The following KHDRBS3 variants were observed in gnomAD, a reference collection of about 807,000 sequenced individuals.
KHDRBS3 encodes the protein KH RNA binding domain containing, signal transduction associated 3.
Under a neutral mutation model 45.6 loss-of-function variants are expected in KHDRBS3, and 23 were observed. The observed-to-expected ratio is 0.50, with a 90% confidence interval of 0.36 to 0.72. The LOEUF (loss-of-function observed/expected upper bound fraction) is 0.72, where lower values mean the gene tolerates loss of function less well. KHDRBS3 is among the 30% of genes least tolerant of loss of function. The pLI is 0.00. For synonymous variants in KHDRBS3, 162 were observed against 156.5 expected (o/e 1.04, Z -0.26); for missense variants, 352 against 424.8 (o/e 0.83, Z 1.51).
chr8:135,625,534 C>T lies in KHDRBS3; in HGVS notation c.890+18497C>T. ...CTGCACTGCTAGAACTGAGAGGTTT[C>T]TTGGGTGTATTCAGAGCTGGAGCAA... On this transcript the variant is annotated intron_variant, in intron 7 of 8. Transcript: ENST00000355849. 9.3e-6 allele frequency: 8 copies of T among 864,444 alleles called. No individual in the cohort carries two copies. In the South Asian group the frequency reaches 1.1e-4, roughly 12 times the overall value. 53.5% of individuals were successfully genotyped at this position (864,444 alleles called of 1,614,324 possible). A position where few individuals can be genotyped will look rare whatever the true frequency, so the allele number is the denominator to read the frequency against.
At chr8:135,626,037 C>T (rs1830344829) in intron 7 of KHDRBS3, 5 of 596,862 alleles carry the variant, frequency 8.4e-6, no homozygotes, top group Non-Finnish European at 1.5e-5. Context: ...GGTTCCAGTT[C>T]CTTACTTTTT....
At position 135,639,395 on chromosome 8, in the gene KHDRBS3, C is replaced by T. The variant is rs147707486; in HGVS notation, c.891-5664C>T. Among the ~76,000 whole-genome samples the T allele has an allele frequency of 7.2e-5, 11 of 152,198 alleles. No homozygotes were observed. The East Asian group carries it at 1.9e-3, about 27-fold the overall frequency. On this transcript the variant is annotated intron_variant, in intron 7 of 8. Coordinates refer to ENST00000355849, the MANE Select transcript of KHDRBS3 (RefSeq NM_006558.3). Reference sequence around the variant, plus strand: ...AGGAGCCAGAAAGTTGAGAGGCCTGCGTATTTGAAGGATCATCCTCCCATA... The same window carrying T: ...AGGAGCCAGAAAGTTGAGAGGCCTGTGTATTTGAAGGATCATCCTCCCATA...
chr8:135,627,255 T>C (rs1830413814), intron 7 of KHDRBS3, among the ~76,000 whole-genome samples: 1 of 152,216 alleles, frequency 6.6e-6, no homozygotes, highest in African/African-American at 2.4e-5. Context: ...TCACCCTGGC[T>C]TCTATCCCAA....
chr8:135,653,119 G>C (rs1029925618), intron 4 of KHDRBS3, among the ~76,000 whole-genome samples: 1 of 152,186 alleles, frequency 6.6e-6, no homozygotes, highest in African/African-American at 2.4e-5. Context: ...TCAAAACAAG[G>C]AGATAGAATA....
At chr8:135,616,881 TC>T (rs1829939630) in intron 7 of KHDRBS3, among the ~76,000 whole-genome samples, 2 of 152,172 alleles carry the variant, frequency 1.3e-5, no homozygotes, top group Non-Finnish European at 2.9e-5. Flanking sequence ...AATAATTTTT[TC>T]TACAAATCTT....
At chr8:135,489,230 G>A (rs1823018865) in intron 1 of KHDRBS3, among the ~76,000 whole-genome samples, 2 of 152,128 alleles carry the variant, frequency 1.3e-5, no homozygotes, top group African/African-American at 4.8e-5. Flanking sequence ...ACCCCAAGAG[G>A]ACAGTGCCTG....
In KHDRBS3 at chr8:135,548,820, A is replaced by T. The variant is rs1201826792; in HGVS notation, c.391A>T (p.Ile131Phe). Reference protein sequence around the residue: ...FHLNDDLHVLIEVFAPPAEAY... With the variant: ...FHLNDDLHVLFEVFAPPAEAY... ...TCTCAATGATGATCTCCATGTTCTC[A>T]TTGAAGTGTTTGCCCCACCTGCAGA... Residue 131 changes from isoleucine (I) to phenylalanine (F), a missense_variant, in exon 4 of 9, where the codon ATT becomes TTT. Around this residue, in one of 6 missense-constraint regions of KHDRBS3, gnomAD observed 46 missense variants for 45.9 expected, o/e 1.00. Coordinates refer to ENST00000355849, the MANE Select transcript of KHDRBS3 (RefSeq NM_006558.3). 6.2e-7 allele frequency: 1 copy of T among 1,605,282 alleles called. No individual in the cohort carries two copies. Among genetic ancestry groups the T allele is most frequent in the Non-Finnish European group, 8.5e-7 (1 of 1,175,448 alleles).
intron 1 of KHDRBS3, among the ~76,000 whole-genome samples, chr8:135,519,519 T>A (rs747869336): frequency 6.6e-6 from 1 of 152,210 alleles, no homozygotes; most frequent in African/African-American, 2.4e-5. Context: ...TGCTTACTGT[T>A]AGTGACCAAA....
chr8:135,535,356 A>G (rs1444378554), intron 2 of KHDRBS3, among the ~76,000 whole-genome samples: 2 of 72,020 alleles, frequency 2.8e-5, no homozygotes, highest in Admixed American at 3.3e-4. Context: ...ACTATTATAT[A>G]TAGTTAAACT....
At chr8:135,561,840 A>G (rs1202761581) in intron 5 of KHDRBS3, among the ~76,000 whole-genome samples, 1 of 152,126 alleles carries the variant, frequency 6.6e-6, no homozygotes, top group East Asian at 1.9e-4. Flanking sequence ...TCTTAATTGC[A>G]TACGAAAACA....
At chr8:135,566,405 C>A (rs1827416828) in intron 5 of KHDRBS3, among the ~76,000 whole-genome samples, 1 of 152,064 alleles carries the variant, frequency 6.6e-6, no homozygotes. Flanking sequence ...AAAGCCAAAG[C>A]CAAAGTATTA....
intron 8 of KHDRBS3, among the ~76,000 whole-genome samples, chr8:135,646,373 T>G (rs531584365): frequency 3.2e-4 from 49 of 152,350 alleles, no homozygotes; most frequent in African/African-American, 1.1e-3. Flanking sequence ...AGCATTATGA[T>G]GAATGAAATC....
chr8:135,634,446 A>G (rs1303105476), intron 7 of KHDRBS3, among the ~76,000 whole-genome samples: 5 of 152,206 alleles, frequency 3.3e-5, no homozygotes, highest in African/African-American at 1.2e-4. Flanking sequence ...CTCTGATTAA[A>G]CTATAAATTT....
intron 1 of KHDRBS3, among the ~76,000 whole-genome samples, chr8:135,459,437 GA>G (rs1255505603): frequency 5.9e-5 from 9 of 151,978 alleles, no homozygotes; most frequent in African/African-American, 2.2e-4. Flanking sequence ...CTAAATAAAA[GA>G]AAAAAAATTA....
intron 1 of KHDRBS3, among the ~76,000 whole-genome samples, chr8:135,464,501 T>C (rs1821598043): frequency 6.6e-6 from 1 of 152,218 alleles, no homozygotes; most frequent in South Asian, 2.1e-4. Flanking sequence ...GTCGAGAGTA[T>C]GATATCAGGG....
intron 1 of KHDRBS3, among the ~76,000 whole-genome samples, chr8:135,497,854 T>C (rs1823536198): frequency 6.6e-6 from 1 of 152,296 alleles, no homozygotes; most frequent in South Asian, 2.1e-4. Flanking sequence ...AGCTAGAAAT[T>C]GGACATTCTG....
intron 7 of KHDRBS3, among the ~76,000 whole-genome samples, chr8:135,638,906 A>G (rs1586845833): frequency 6.6e-6 from 1 of 151,392 alleles, no homozygotes; most frequent in South Asian, 2.1e-4. Flanking sequence ...GGTTGCAGTG[A>G]GCCAAGAGCG....
intron 2 of KHDRBS3, among the ~76,000 whole-genome samples, chr8:135,534,530 T>C (rs13261331): frequency 0.8 from 121,878 of 152,130 alleles, 49,356 homozygotes; most frequent in East Asian, 0.96. Flanking sequence ...GAAATCACCA[T>C]CTTGCTTCTC....
intron 1 of KHDRBS3, among the ~76,000 whole-genome samples, chr8:135,495,350 G>T (rs193087152): frequency 6.6e-6 from 1 of 152,206 alleles, no homozygotes; most frequent in East Asian, 1.9e-4. Flanking sequence ...ATTATTATGG[G>T]GCAAGCTATG....
Sources: gnomAD v4.1 joint callset for allele counts (sites outside exome capture counted in the v4.1 genomes callset) on GRCh38, gnomAD v4.1.1 for gene constraint, gnomAD v4.1.1 regional missense constraint, MANE v1.5 for transcripts, NCBI Gene and HGNC (gene_info 2026-07-23, HGNC 2026-07-21) for gene names.